Variants in BRCC3 observed in about 807,000 individuals in gnomAD.
BRCC3 encodes the protein lys-63-specific deubiquitinase BRCC36.
BRCC3 carries 15 observed loss-of-function variants against 28.0 expected under a neutral mutation model. The observed-to-expected ratio is 0.54, with a 90% CI of 0.36 to 0.82. The LOEUF is 0.82. Ranked by LOEUF, BRCC3 falls within the 40% of genes least tolerant of loss-of-function variation. BRCC3 has a pLI of 0.01. For missense variants in BRCC3, 109 were observed against 225.9 expected (o/e 0.48, Z 3.32); for synonymous variants, 66 against 80.3 (o/e 0.82, Z 0.95).
chrX:155,078,784 A>T, intron 5 of BRCC3, 81 bp downstream of exon 5: 1 of 645,878 alleles, frequency 1.5e-6, no homozygotes, highest in Non-Finnish European at 2.3e-6. Flanking sequence ...GGGTATGGTT[A>T]TTTTAAACCA....
rs781949153 is a variant in BRCC3, at chrX:155,089,396, CTG to C, written c.492+55_492+56del. ...GTGTGTGTGTGTGTGTGTGTAGGGT[CTG>C]TGTGTGTGTCTACACACAGAGTAGA... On this transcript the variant is annotated intron_variant, in intron 6 of 10. Transcript: ENST00000330045. 72 of 825,824 alleles carry C rather than the reference CTG, an allele frequency of 8.7e-5. 1 individual carries two copies. In the South Asian group the frequency reaches 1.4e-3, roughly 16 times the overall value. 68.1% of individuals were successfully genotyped at this position (825,824 alleles called of 1,213,427 possible). A position where few individuals can be genotyped will look rare whatever the true frequency, so the allele number is the denominator to read the frequency against.
intron 7 of BRCC3, among the ~76,000 whole-genome samples, chrX:155,105,023 T>C (rs2074269657): frequency 8.9e-6 from 1 of 112,578 alleles, no homozygotes; most frequent in South Asian, 3.6e-4. Context: ...TTTTAGGATT[T>C]TTTTTAACTC....
At chrX:155,089,671 C>T (rs782784669) in intron 6 of BRCC3, among the ~76,000 whole-genome samples, 6 of 111,896 alleles carry the variant, frequency 5.4e-5, no homozygotes, top group African/African-American at 1.9e-4. Context: ...CAGTTTGCCT[C>T]TGTCAGTCCC....
intron 10 of BRCC3, 32 bp downstream of exon 10, chrX:155,120,200 AAC>A (rs1345421479): frequency 9.3e-7 from 1 of 1,075,436 alleles, no homozygotes; most frequent in Non-Finnish European, 1.3e-6. Flanking sequence ...TTGTGTACTA[AAC>A]ACAGTCTGAA....
At chrX:155,078,753 T>C in intron 5 of BRCC3, 50 bp downstream of exon 5, 1 of 951,796 alleles carries the variant, frequency 1.1e-6, no homozygotes, top group Non-Finnish European at 1.5e-6. Context: ...ATTAATATCA[T>C]GTTTCCTTTT....
rs782506041 is a variant in BRCC3 at position 155,087,532 on chromosome X, G to T, written c.404-1731G>T. The stretch of plus-strand genomic sequence containing the variant: ...GAGTTCTGGGACTAGAGTTTGTTGG[G>T]CAAGAGTTGGGAGTGGCTGGTGTAG... On this transcript the variant is annotated intron_variant, in intron 5 of 10. Coordinates refer to ENST00000330045, the MANE Select transcript of BRCC3 (RefSeq NM_001018055.3). Among the ~76,000 whole-genome samples the T allele has an allele frequency of 1.2e-3, 133 of 111,942 alleles. 1 individual carries two copies. Among genetic ancestry groups the T allele is most frequent in the African/African-American group, 4.2e-3 (128 of 30,746 alleles).
chrX:155,117,215 G>C (rs1277421117), intron 9 of BRCC3, among the ~76,000 whole-genome samples: 5 of 112,065 alleles, frequency 4.5e-5, no homozygotes, highest in African/African-American at 1.6e-4. Flanking sequence ...AACACTACCA[G>C]CCTGTCGTGG....
intron 9 of BRCC3, among the ~76,000 whole-genome samples, chrX:155,118,033 A>G (rs925835259): frequency 4.5e-5 from 5 of 112,313 alleles, no homozygotes; most frequent in Non-Finnish European, 1.9e-5. Flanking sequence ...GAGGTTGGCA[A>G]TTATACTTGC....
chrX:155,115,280 C>T (rs1388974880), intron 7 of BRCC3, among the ~76,000 whole-genome samples: 1 of 111,871 alleles, frequency 8.9e-6, no homozygotes, highest in African/African-American at 3.3e-5. Flanking sequence ...TAATGCCCCA[C>T]CATTTGTGTT....
At chrX:155,071,794 C>T in intron 1 of BRCC3, 144 bp downstream of exon 1, 3 of 703,294 alleles carry the variant, frequency 4.3e-6, no homozygotes, top group Non-Finnish European at 6.1e-6. Context: ...AGCTCTGTCG[C>T]GGGGAGCCCC....
chrX:155,122,313 C>G lies in BRCC3; in HGVS notation c.*1109C>G, dbSNP rs1365515368. On this transcript the variant is annotated 3_prime_UTR_variant, in exon 11 of 11. Coordinates refer to ENST00000330045, the MANE Select transcript of BRCC3 (RefSeq NM_001018055.3). The stretch of plus-strand genomic sequence containing the variant: ...GAAACCACAGCGAGGCTATGACTTA[C>G]TTATCTCAATGGCTAAAGAAAAAAT... 8.9e-6 allele frequency: 1 copy of G among 111,750 alleles called. No individual in the cohort carries two copies. The highest frequency in any genetic ancestry group is 1.9e-5 in the Non-Finnish European group (1 of 53,104). 9.2% of individuals were successfully genotyped at this position (111,750 alleles called of 1,213,427 possible).
intron 7 of BRCC3, among the ~76,000 whole-genome samples, chrX:155,107,989 C>T (rs1449424681): frequency 1.8e-5 from 2 of 111,561 alleles, no homozygotes; most frequent in Non-Finnish European, 3.8e-5. Context: ...ATGAAAACAC[C>T]TATGCAACCA....
intron 8 of BRCC3, among the ~76,000 whole-genome samples, 151 bp from the exon 9 acceptor site, chrX:155,116,558 TAA>T (rs2074357563): frequency 8.9e-6 from 1 of 112,011 alleles, no homozygotes; most frequent in Non-Finnish European, 1.9e-5. Flanking sequence ...TATCTTTGAA[TAA>T]AATCACATCC....
At chrX:155,072,770 G>A (rs1557292812) in intron 2 of BRCC3, among the ~76,000 whole-genome samples, 1 of 109,618 alleles carries the variant, frequency 9.1e-6, no homozygotes, top group African/African-American at 3.3e-5. Flanking sequence ...TGTTGGCCAG[G>A]CTGGTCTCGA....
intron 5 of BRCC3, among the ~76,000 whole-genome samples, chrX:155,079,308 G>T (rs1299809000): frequency 9.0e-6 from 1 of 111,483 alleles, no homozygotes; most frequent in Non-Finnish European, 1.9e-5. Context: ...TGTACAGAAG[G>T]GTAAACAAAG....
At chrX:155,099,180 G>C in intron 7 of BRCC3, 3 of 672,400 alleles carry the variant, frequency 4.5e-6, no homozygotes, top group Non-Finnish European at 5.9e-6. Context: ...AATAAAATTA[G>C]AAATGTTTTT....
chrX:155,086,036 G>C (rs1013717783), intron 5 of BRCC3, among the ~76,000 whole-genome samples: 1 of 111,635 alleles, frequency 9.0e-6, no homozygotes, highest in African/African-American at 3.3e-5. Context: ...TGGGAGCAGA[G>C]TGATAGGACG....
chrX:155,071,929 C>T (rs1304706275), intron 1 of BRCC3, among the ~76,000 whole-genome samples: 1 of 112,071 alleles, frequency 8.9e-6, no homozygotes, highest in African/African-American at 3.2e-5. Flanking sequence ...GCTTTTCGCC[C>T]GGTTGACCAA....
At chrX:155,084,643 C>G (rs1400017887) in intron 5 of BRCC3, among the ~76,000 whole-genome samples, 1 of 112,031 alleles carries the variant, frequency 8.9e-6, no homozygotes, top group East Asian at 2.8e-4. Flanking sequence ...GATTACAGGC[C>G]TGAGCCACCG....
Sources: allele counts gnomAD v4.1 joint callset (sites outside exome capture counted in the v4.1 genomes callset), GRCh38; gene constraint gnomAD v4.1.1; transcripts MANE v1.5; gene names NCBI Gene and HGNC (gene_info 2026-07-23, HGNC 2026-07-21).